The following SMG1 variants were observed in gnomAD, a reference collection of about 807,000 sequenced individuals.
SMG1 encodes the protein SMG1 nonsense mediated mRNA decay associated PI3K related kinase, also known as serine/threonine-protein kinase SMG1.
SMG1 carries 22 observed loss-of-function variants against 419.9 expected under a neutral mutation model. The ratio of observed to expected loss-of-function variants is 0.05; its 90% confidence interval spans 0.04 to 0.07. The LOEUF is 0.07. SMG1 is among the 10% of genes least tolerant of loss of function. SMG1 has a pLI of 1.00. For synonymous variants in SMG1, 1,538 were observed against 1,553.5 expected (o/e 0.99, Z 0.23); for missense variants, 3,185 against 4,342.0 (o/e 0.73, Z 7.49).
intron 22 of SMG1, among the ~76,000 whole-genome samples, chr16:18,867,176 GTTAT>G (rs2035557454): frequency 6.6e-6 from 1 of 152,162 alleles, no homozygotes; most frequent in Admixed American, 6.6e-5. Flanking sequence ...TTGGATTCCA[GTTAT>G]TTATTGTGAG....
In SMG1 at chr16:18,841,633, C is replaced by A. The variant is rs2141299369; in HGVS notation, c.6628G>T (p.Gly2210Ter). Reference protein sequence around the residue: ...TRSGLIQWVDGATPLFGLYKR... With the variant: ...TRSGLIQWVD ...TAAAGACCAAATAAGGGTGTGGCTC[C>A]ATCTACCCACTGGATTAGTCCTGAT... is the stretch of plus-strand genomic sequence containing the variant. The change falls in exon 41 of 63, where the codon GGA becomes TGA. Residue 2210 changes from glycine (G) to a stop codon, truncating the protein, a stop_gained. Transcript: ENST00000446231. LOFTEE classifies it high-confidence loss of function. 1 of 1,613,984 alleles carries A rather than the reference C, an allele frequency of 6.2e-7. No homozygotes were observed. The highest frequency in any genetic ancestry group is 1.1e-5 in the South Asian group (1 of 91,090).
Position 18,836,526 on chromosome 16 carries a change from A to G in SMG1, c.7611T>C (p.Ser2537=), listed in dbSNP as rs777281376. 3.7e-6 allele frequency: 6 copies of G among 1,612,410 alleles called. No individual in the cohort carries two copies. In the African/African-American group the frequency reaches 5.3e-5, roughly 14 times the overall value. ...GCTGAGTCTGTAGTTGGGTGTGCTC[A>G]GAATACCTAATCAGGGGGACACAAA... is the stretch of plus-strand genomic sequence containing the variant. ...HPSHTLQHRY[S]EHTQLQTQQR... Residue 2537 remains serine, a synonymous_variant, in exon 47 of 63, where the codon TCT becomes TCC. Transcript: ENST00000446231.
In SMG1 at chr16:18,852,447, C is replaced by T; in HGVS notation, c.4784G>A (p.Gly1595Glu). 1 of 1,589,420 alleles carries T rather than the reference C, an allele frequency of 6.3e-7. No homozygotes were observed. Among genetic ancestry groups the T allele is most frequent in the Non-Finnish European group, 8.6e-7 (1 of 1,168,086 alleles). Residue 1595 changes from glycine to glutamate, a missense_variant, in exon 32 of 63, where the codon GGA (glycine) becomes GAA (glutamate). This residue lies in a region of SMG1 where 493 missense variants were observed against 552.9 expected (regional missense o/e 0.89). Transcript: ENST00000446231. ...CTGTCCCAAAATGAAGTCAGGTTCTCCAACTCCAATATGCACTGCCAAAAT... is the reference window on the plus strand; with the variant it reads ...CTGTCCCAAAATGAAGTCAGGTTCTTCAACTCCAATATGCACTGCCAAAAT... ...ESESTVHIGVGEPDFILGQLY... is the reference protein window; with the variant it reads ...ESESTVHIGVEEPDFILGQLY...
Position 18,829,372 on chromosome 16 carries a change from G to A in SMG1, c.9517C>T (p.His3173Tyr), listed in dbSNP as rs750657942. The change falls in exon 54 of 63, where the codon CAT becomes TAT. Residue 3173 changes from histidine (H) to tyrosine (Y), a missense_variant. His to Tyr is a moderately conservative substitution (Grantham distance 83). This residue lies in a region of SMG1 where 737 missense variants were observed against 846.6 expected (regional missense o/e 0.87). Coordinates refer to ENST00000446231, the MANE Select transcript of SMG1 (RefSeq NM_015092.5). ...GTTTCTAGCCTTCGCACCAAGTCAT[G>A]CTTCTTCCAGGCAGTGTCGTAAGAA... ...ASSYDTAWKK[H>Y]DLVRRLETSI... is the part of the protein sequence containing the mutation. The A allele has an allele frequency of 2.5e-6, 4 of 1,614,020 alleles. No homozygotes were observed. The East Asian group carries it at 8.9e-5, about 36-fold the overall frequency.
Position 18,829,759 on chromosome 16 carries a change from C to A in SMG1, c.9134-4G>T, listed in dbSNP as rs112978715. On this transcript the variant is annotated splice_region_variant and splice_polypyrimidine_tract_variant and intron_variant, in intron 53 of 62. Transcript: ENST00000446231. ...TGATCTTCAAGTGAACTTGATCCTACAAAAAGGAAAAATTTCTTGTATTTC... is the reference window on the plus strand; with the variant it reads ...TGATCTTCAAGTGAACTTGATCCTAAAAAAAGGAAAAATTTCTTGTATTTC... 1.9e-6 allele frequency: 3 copies of A among 1,579,568 alleles called. No homozygotes were observed. Among genetic ancestry groups the A allele is most frequent in the Admixed American group, 1.9e-5 (1 of 53,314 alleles).
At chr16:18,908,186 T>A (rs1052528815) in intron 1 of SMG1, among the ~76,000 whole-genome samples, 1 of 151,746 alleles carries the variant, frequency 6.6e-6, no homozygotes, top group Non-Finnish European at 1.5e-5. Context: ...GCCAACATGG[T>A]GAAACCCAGT....
chr16:18,879,601 A>T lies in SMG1; in HGVS notation c.1412T>A (p.Met471Lys). ...AATGACCATGTCACAATGTATAGTCATGCTAGGATCCAAGCTGCCGAGCAA... is the reference window on the plus strand; with the variant it reads ...AATGACCATGTCACAATGTATAGTCTTGCTAGGATCCAAGCTGCCGAGCAA... ...GVLLGSLDPS[M>K]TIHCDMVITY... The change falls in exon 11 of 63, where the codon ATG (methionine) becomes AAG (lysine). Residue 471 changes from methionine to lysine, a missense_variant. Transcript: ENST00000446231. 1 of 1,379,524 alleles carries T rather than the reference A, an allele frequency of 7.2e-7. No homozygotes were observed. The highest frequency in any genetic ancestry group is 1.0e-6 in the Non-Finnish European group (1 of 1,001,462). 85.5% of individuals were successfully genotyped at this position (1,379,524 alleles called of 1,614,324 possible). A position where few individuals can be genotyped will look rare whatever the true frequency, so the allele number is the denominator to read the frequency against.
intron 11 of SMG1, chr16:18,879,235 C>T (rs1488867309): frequency 2.2e-6 from 1 of 455,842 alleles, no homozygotes; most frequent in African/African-American, 2.0e-5. Flanking sequence ...CCTCCCTCAG[C>T]CTCCCGAGTA....
At chr16:18,837,096 ATT>A (rs1330088130) in intron 46 of SMG1, among the ~76,000 whole-genome samples, 155 bp downstream of exon 46, 1 of 152,200 alleles carries the variant, frequency 6.6e-6, no homozygotes, top group East Asian at 1.9e-4. Flanking sequence ...ATTTCAGTGA[ATT>A]TTTGTTTACT....
intron 11 of SMG1, chr16:18,878,135 G>T (rs2925510): frequency 0.18 from 27,932 of 151,992 alleles, 2,655 homozygotes; most frequent in Middle Eastern, 0.25. Context: ...CGGGCGCGGT[G>T]GCTCACGCCT....
chr16:18,863,357 C>A (rs571878201), intron 25 of SMG1, among the ~76,000 whole-genome samples: 27 of 152,304 alleles, frequency 1.8e-4, no homozygotes, highest in Admixed American at 1.5e-3. Flanking sequence ...TAAAGCAGTA[C>A]AAATTTTTCT....
chr16:18,921,154 AAG>A (rs1555507998), intron 1 of SMG1, among the ~76,000 whole-genome samples: 19 of 143,474 alleles, frequency 1.3e-4, no homozygotes, highest in Middle Eastern at 3.7e-3. Context: ...AAAAAAAAAA[AAG>A]AGAGAGAGAG....
intron 13 of SMG1, among the ~76,000 whole-genome samples, chr16:18,874,353 G>A (rs1220131749): frequency 2.0e-5 from 3 of 151,462 alleles, no homozygotes; most frequent in African/African-American, 7.3e-5. Flanking sequence ...TGGCCAGGCT[G>A]GTCTCAAACT....
At chr16:18,925,838 C>G in intron 1 of SMG1, 112 bp downstream of exon 1, 1 of 803,602 alleles carries the variant, frequency 1.2e-6, no homozygotes, top group Non-Finnish European at 1.8e-6. Flanking sequence ...CCGCGCCCGG[C>G]TCCGAGGGGT....
chr16:18,891,324 T>C (rs1002867096), intron 4 of SMG1, among the ~76,000 whole-genome samples: 11 of 152,224 alleles, frequency 7.2e-5, no homozygotes, highest in African/African-American at 2.4e-4. Context: ...ACTTGCTATA[T>C]ATTTGAACCT....
chr16:18,908,817 A>G (rs1391048930), intron 1 of SMG1, among the ~76,000 whole-genome samples: 1 of 151,394 alleles, frequency 6.6e-6, no homozygotes, highest in Non-Finnish European at 1.5e-5. Context: ...GAGGTGGAGC[A>G]TGCAGTAAGC....
Position 18,866,566 on chromosome 16 carries a change from C to A in SMG1, c.3350+55G>T, listed in dbSNP as rs2035520320. 4.6e-6 allele frequency: 7 copies of A among 1,533,770 alleles called. No individual in the cohort carries two copies. In the East Asian group the frequency reaches 1.3e-4, roughly 30 times the overall value. On this transcript the variant is annotated intron_variant, in intron 23 of 62. Coordinates refer to ENST00000446231, the MANE Select transcript of SMG1 (RefSeq NM_015092.5). ...TTGGCTACAATGTCAGTGAGTAATA[C>A]ACAGAACTTAAACATAAAGTAATTC... is the stretch of plus-strand genomic sequence containing the variant.
intron 6 of SMG1, among the ~76,000 whole-genome samples, chr16:18,888,086 AC>A (rs1162048101): frequency 6.9e-6 from 1 of 145,834 alleles, no homozygotes; most frequent in Admixed American, 7.2e-5. Flanking sequence ...AATCACTTGA[AC>A]CTGGGAGGCA....
In SMG1 at chr16:18,834,958, T is replaced by C. The variant is rs1193639763; in HGVS notation, c.8264A>G (p.Glu2755Gly). 1 of 1,613,896 alleles carries C rather than the reference T, an allele frequency of 6.2e-7. No homozygotes were observed. Among genetic ancestry groups the C allele is most frequent in the African/African-American group, 1.3e-5 (1 of 74,932 alleles). Residue 2755 changes from glutamate (E) to glycine (G), a missense_variant, in exon 49 of 63, where the codon GAG (glutamate) becomes GGG (glycine). Glu to Gly is a moderately conservative substitution (Grantham distance 98). Transcript: ENST00000446231. ...IERCIKVFLH[E>G]NGEEGSLSLA... ...ACTCAAAGATCCTTCTTCTCCATTC[T>C]CATGAAGGAAAACTTTAATGCAACG...
Sources: gnomAD v4.1 joint callset for allele counts (sites outside exome capture counted in the v4.1 genomes callset) on GRCh38, gnomAD v4.1.1 for gene constraint, gnomAD v4.1.1 regional missense constraint, MANE v1.5 for transcripts, NCBI Gene and HGNC (gene_info 2026-07-23, HGNC 2026-07-21) for gene names.